Variants in UGT2B28 observed in about 807,000 individuals in gnomAD.
The protein encoded by UGT2B28 is UDP-glucuronosyltransferase 2B28.
A neutral mutation model predicts 43.6 loss-of-function variants in UGT2B28; 45 were observed. That is an observed-to-expected ratio of 1.03 (90% CI 0.81 to 1.32). The LOEUF is 1.32. Ranked by LOEUF, UGT2B28 falls within the 40% of genes most tolerant of loss-of-function variation. The probability of loss-of-function intolerance (pLI) is 0.00; values close to 1 mark genes in which losing one functional copy is unlikely to be tolerated. For synonymous variants in UGT2B28, 204 were observed against 208.1 expected (o/e 0.98, Z 0.17); for missense variants, 649 against 625.5 (o/e 1.04, Z -0.40).
At chr4:69,281,983 A>C (rs1723626312) in intron 1 of UGT2B28, among the ~76,000 whole-genome samples, 1 of 140,618 alleles carries the variant, frequency 7.1e-6, no homozygotes, top group South Asian at 2.4e-4. Flanking sequence ...TGATAATATT[A>C]TTAAGATCTT....
chr4:69,292,565 G>A (rs1295526520), intron 5 of UGT2B28, among the ~76,000 whole-genome samples: 1 of 140,242 alleles, frequency 7.1e-6, no homozygotes, highest in East Asian at 2.0e-4. Context: ...TAATGAGTAA[G>A]GACATAAAAC....
intron 5 of UGT2B28, among the ~76,000 whole-genome samples, chr4:69,291,708 T>C (rs1307449138): frequency 4.0e-5 from 5 of 125,786 alleles, no homozygotes; most frequent in Non-Finnish European, 8.4e-5. Flanking sequence ...TGTCTTTGCA[T>C]AAACATGTTT....
chr4:69,294,271 CT>C (rs1293099130), intron 5 of UGT2B28, among the ~76,000 whole-genome samples: 5 of 135,304 alleles, frequency 3.7e-5, no homozygotes, highest in African/African-American at 5.9e-5. Context: ...ATTAAAATGC[CT>C]TATATTTTCT....
chr4:69,289,840 T>C, intron 4 of UGT2B28, 88 bp downstream of exon 4: 1 of 1,300,776 alleles, frequency 7.7e-7, no homozygotes, highest in Non-Finnish European at 1.0e-6. Context: ...TTATTGAATA[T>C]TTATTATAGG....
At chr4:69,288,008 A>G (rs1477722766) in intron 3 of UGT2B28, among the ~76,000 whole-genome samples, 1 of 140,486 alleles carries the variant, frequency 7.1e-6, no homozygotes, top group Non-Finnish European at 1.5e-5. Flanking sequence ...ATAGCAGAAC[A>G]TATTAATCAC....
At position 69,287,343 on chromosome 4, in the gene UGT2B28, G is replaced by C. The variant is rs1405741907; in HGVS notation, c.1002+460G>C. On this transcript the variant is annotated intron_variant, in intron 3 of 5. Coordinates refer to ENST00000335568, the MANE Select transcript of UGT2B28 (RefSeq NM_053039.2). ...TTGTAGAAATACAAGGAAGACTTAT[G>C]ATCATTTTCTTCAAAGCTGTTTTCC... Among the ~76,000 whole-genome samples, 4 of 140,572 alleles carry C rather than the reference G, an allele frequency of 2.8e-5. 1 individual carries two copies. Among genetic ancestry groups the C allele is most frequent in the African/African-American group, 1.1e-4 (4 of 36,046 alleles). The allele number at this position is 140,572 out of a possible 152,430, so 92.2% of individuals were successfully genotyped here. A position where few individuals can be genotyped will look rare whatever the true frequency, so the allele number is the denominator to read the frequency against.
rs554601888 is a variant in UGT2B28 at position 69,287,819 on chromosome 4, T to G, written c.1002+936T>G. Among the ~76,000 whole-genome samples, 71 of 140,956 alleles carry G rather than the reference T, an allele frequency of 5.0e-4. 8 individuals are homozygous for G. Among genetic ancestry groups the G allele is most frequent in the Non-Finnish European group, 7.6e-4 (50 of 65,850 alleles). 92.5% of individuals were successfully genotyped at this position (140,956 alleles called of 152,430 possible). ...CAGGGACCTTTGTGTATTTGTGAAT[T>G]ACTTTTTAATTTCCTATCTGATAAA... On this transcript the variant is annotated intron_variant, in intron 3 of 5. Transcript: ENST00000335568.
intron 1 of UGT2B28, among the ~76,000 whole-genome samples, chr4:69,281,548 C>A (rs1577991207): frequency 7.1e-6 from 1 of 140,864 alleles, no homozygotes; most frequent in Non-Finnish European, 1.5e-5. Flanking sequence ...CATCAAGTAA[C>A]ATCTTACTGA....
Position 69,286,824 on chromosome 4 carries a change from A to T in UGT2B28, c.943A>T (p.Asn315Tyr). The T allele has an allele frequency of 6.4e-7, 1 of 1,557,186 alleles. No individual in the cohort carries two copies. The highest frequency in any genetic ancestry group is 8.7e-7 in the Non-Finnish European group (1 of 1,154,696). ...VVFSLGSVIS[N>Y]MTAERANVIA... ...GTTTTCTCTGGGGTCAGTGATAAGT[A>T]ACATGACAGCAGAAAGGGCCAACGT... The change falls in exon 3 of 6, where the codon AAC (asparagine) becomes TAC (tyrosine). Residue 315 changes from asparagine (N) to tyrosine (Y), a missense_variant. Coordinates refer to ENST00000335568, the MANE Select transcript of UGT2B28 (RefSeq NM_053039.2).
intron 4 of UGT2B28, 47 bp from the exon 5 acceptor site, chr4:69,290,545 G>C: frequency 6.5e-7 from 1 of 1,529,844 alleles, no homozygotes; most frequent in Admixed American, 1.8e-5. Flanking sequence ...ATTGTGTATC[G>C]CATTTTATTC....
intron 1 of UGT2B28, among the ~76,000 whole-genome samples, 166 bp from the exon 2 acceptor site, chr4:69,282,348 T>G (rs1483768471): frequency 3.6e-5 from 5 of 140,352 alleles, no homozygotes; most frequent in African/African-American, 1.4e-4. Flanking sequence ...ACAAAATATA[T>G]AATACATAAA....
In UGT2B28 at chr4:69,281,036, C is replaced by A. The variant is rs558174566; in HGVS notation, c.536C>A (p.Thr179Lys). ...AGTCTCTGCTTCACTCCTGGCTACA[C>A]AATTGAAAGGCACAGTGGAGGACTG... ...VYSLCFTPGY[T>K]IERHSGGLIF... is the part of the protein sequence containing the mutation. Residue 179 changes from threonine to lysine, a missense_variant, in exon 1 of 6, where the codon ACA (threonine) becomes AAA (lysine). By Grantham distance (78) the Thr-to-Lys change is moderately conservative (BLOSUM62 -1). Coordinates refer to ENST00000335568, the MANE Select transcript of UGT2B28 (RefSeq NM_053039.2). The A allele has an allele frequency of 1.9e-6, 3 of 1,559,302 alleles. 1 individual carries two copies. Among genetic ancestry groups the A allele is most frequent in the South Asian group, 2.4e-5 (2 of 84,156 alleles).
chr4:69,281,261 A>G (rs1419563055), intron 1 of UGT2B28, 40 bp downstream of exon 1: 2 of 1,459,212 alleles, frequency 1.4e-6, no homozygotes, highest in African/African-American at 3.2e-5. Flanking sequence ...GATCTAACTT[A>G]TTTGTGTCTT....
Position 69,291,883 on chromosome 4 carries a change from TTGTC to T in UGT2B28, c.1310+1078_1310+1081del, listed in dbSNP as rs1325795266. Among the ~76,000 whole-genome samples, 8 of 140,390 alleles carry T rather than the reference TTGTC, an allele frequency of 5.7e-5. 3 individuals carry two copies. The highest frequency in any genetic ancestry group is 2.2e-4 in the African/African-American group (8 of 36,014). The allele number at this position is 140,390 out of a possible 152,430, so 92.1% of individuals were successfully genotyped here. A position where few individuals can be genotyped will look rare whatever the true frequency, so the allele number is the denominator to read the frequency against. ...CTCCACACTGTTGTCAAACCCCTTA[TTGTC>T]TGTCTTTTTGTTACAGCCTTCTTAG... On this transcript the variant is annotated intron_variant, in intron 5 of 5. Transcript: ENST00000335568.
intron 2 of UGT2B28, among the ~76,000 whole-genome samples, chr4:69,286,351 A>T (rs1723774209): frequency 7.1e-6 from 1 of 140,844 alleles, no homozygotes; most frequent in Non-Finnish European, 1.5e-5. Flanking sequence ...AATAAACACA[A>T]GTGTTTAAGT....
rs758261538 is a variant in UGT2B28 at position 69,294,543 on chromosome 4, G to A, written c.1324G>A (p.Val442Ile). The A allele has an allele frequency of 5.8e-6, 9 of 1,542,908 alleles. 2 individuals carry two copies. The highest frequency in any genetic ancestry group is 3.1e-5 in the African/African-American group (2 of 65,506). The change falls in exon 6 of 6, where the codon GTT (valine) becomes ATT (isoleucine). Residue 442 changes from valine (V) to isoleucine (I), a missense_variant. Physicochemically the swap from Val to Ile is conservative, Grantham distance 29. Coordinates refer to ENST00000335568, the MANE Select transcript of UGT2B28 (RefSeq NM_053039.2). Reference protein sequence around the residue: ...VINDPSYKENVMKLSIIQHDQ... With the variant: ...VINDPSYKENIMKLSIIQHDQ... ...TTTATCCTTCAGATATAAAGAGAATGTTATGAAATTATCAATAATTCAACA... is the reference window on the plus strand; with the variant it reads ...TTTATCCTTCAGATATAAAGAGAATATTATGAAATTATCAATAATTCAACA...
chr4:69,293,099 C>G lies in UGT2B28; in HGVS notation c.1311-1431C>G, dbSNP rs1346708713. Reference sequence around the variant, plus strand: ...AAGACATAATCTGTGGTTTATCAATCAACAGAATACTACATAGCAATGGAA... The same window carrying G: ...AAGACATAATCTGTGGTTTATCAATGAACAGAATACTACATAGCAATGGAA... On this transcript the variant is annotated intron_variant, in intron 5 of 5. Coordinates refer to ENST00000335568, the MANE Select transcript of UGT2B28 (RefSeq NM_053039.2). Among the ~76,000 whole-genome samples, 3 of 140,626 alleles carry G rather than the reference C, an allele frequency of 2.1e-5. 1 individual carries two copies. Among genetic ancestry groups the G allele is most frequent in the Non-Finnish European group, 4.6e-5 (3 of 65,764 alleles). The allele number at this position is 140,626 out of a possible 152,430, so 92.3% of individuals were successfully genotyped here.
At chr4:69,290,000 T>A (rs1282252596) in intron 4 of UGT2B28, among the ~76,000 whole-genome samples, 2 of 140,564 alleles carry the variant, frequency 1.4e-5, no homozygotes, top group African/African-American at 5.6e-5. Flanking sequence ...TCTCACAGAA[T>A]TTTTCAGTAT....
chr4:69,286,781 T>C lies in UGT2B28; in HGVS notation c.900T>C (p.Gly300=). Residue 300 remains glycine (G), a synonymous_variant, in exon 3 of 6, where the codon GGT becomes GGC. Coordinates refer to ENST00000335568, the MANE Select transcript of UGT2B28 (RefSeq NM_053039.2). ...TGGAGGAATTTGTACAGAGCTCTGG[T>C]GAAAATGGTGTTGTGGTGTTTTCTC... ...KEMEEFVQSS[G]ENGVVVFSLG... The C allele has an allele frequency of 6.4e-7, 1 of 1,556,044 alleles. No homozygotes were observed.
Sources: gnomAD v4.1 joint callset for allele counts (sites outside exome capture counted in the v4.1 genomes callset) on GRCh38, gnomAD v4.1.1 for gene constraint, MANE v1.5 for transcripts, NCBI Gene and HGNC (gene_info 2026-07-23, HGNC 2026-07-21) for gene names.